SIMC1: variants seen among roughly 807,000 people sequenced by gnomAD.
SIMC1 encodes the protein SUMO-interacting motif-containing protein 1.
SIMC1 carries 55 observed loss-of-function variants against 82.3 expected under a neutral mutation model. That is an observed-to-expected ratio of 0.67 (90% CI 0.54 to 0.84). The LOEUF (loss-of-function observed/expected upper bound fraction) is 0.84. Ranked by LOEUF, SIMC1 falls within the 40% of genes least tolerant of loss-of-function variation. The probability of loss-of-function intolerance (pLI) is 0.00; values close to 1 mark genes in which losing one functional copy is unlikely to be tolerated. For synonymous variants in SIMC1, 353 were observed against 426.3 expected (o/e 0.83, Z 2.12); for missense variants, 915 against 1,107.2 (o/e 0.83, Z 2.46).
intron 4 of SIMC1, chr5:176,308,230 A>G: frequency 6.5e-7 from 1 of 1,535,484 alleles, no homozygotes. Flanking sequence ...CATATACTGG[A>G]ACTGAAATGC....
chr5:176,296,428 C>T, intron 4 of SIMC1, 108 bp downstream of exon 4: 2 of 1,569,272 alleles, frequency 1.3e-6, no homozygotes, highest in East Asian at 2.3e-5. Flanking sequence ...TTTTGGGAGG[C>T]CGAGGCAGGA....
chr5:176,305,813 C>T (rs1239997165), intron 4 of SIMC1, among the ~76,000 whole-genome samples: 2 of 60,736 alleles, frequency 3.3e-5, no homozygotes, highest in Non-Finnish European at 7.0e-5. Flanking sequence ...GTGGGGGCGT[C>T]AGCCCCCCGC....
chr5:176,318,099 C>A (rs1345000455), intron 5 of SIMC1, among the ~76,000 whole-genome samples: 1 of 152,020 alleles, frequency 6.6e-6, no homozygotes, highest in East Asian at 1.9e-4. Flanking sequence ...TGGGAGGGGA[C>A]AAATCAGAGG....
chr5:176,283,921 A>G (rs1763137207), intron 1 of SIMC1, among the ~76,000 whole-genome samples: 1 of 152,204 alleles, frequency 6.6e-6, no homozygotes, highest in African/African-American at 2.4e-5. Context: ...ATAAAAATAG[A>G]CAAAGAAGGC....
intron 1 of SIMC1, among the ~76,000 whole-genome samples, chr5:176,283,008 GA>G (rs1763084927): frequency 6.6e-6 from 1 of 152,226 alleles, no homozygotes; most frequent in South Asian, 2.1e-4. Context: ...AAGCCTCCAA[GA>G]AATATGGGAC....
intron 7 of SIMC1, among the ~76,000 whole-genome samples, chr5:176,328,150 C>T (rs1408415269): frequency 6.6e-6 from 1 of 152,112 alleles, no homozygotes; most frequent in Non-Finnish European, 1.5e-5. Flanking sequence ...GATCTGCCCA[C>T]CTCAGCCTCC....
chr5:176,316,174 CA>C, intron 5 of SIMC1, among the ~76,000 whole-genome samples: 1 of 151,902 alleles, frequency 6.6e-6, no homozygotes, highest in South Asian at 2.1e-4. Flanking sequence ...GACTCTGTCT[CA>C]AAAGCAAATA....
At chr5:176,280,225 C>G (rs1214722199) in intron 1 of SIMC1, among the ~76,000 whole-genome samples, 8 of 152,042 alleles carry the variant, frequency 5.3e-5, no homozygotes, top group South Asian at 4.1e-4. Context: ...TTACCATTAT[C>G]TAATGGCCTT....
At chr5:176,328,526 G>A (rs1765490535) in intron 7 of SIMC1, among the ~76,000 whole-genome samples, 1 of 152,006 alleles carries the variant, frequency 6.6e-6, no homozygotes, top group African/African-American at 2.4e-5. Flanking sequence ...ATTTATGCCT[G>A]GGGTTCAACA....
At chr5:176,335,879 C>CA (rs1387035727) in intron 7 of SIMC1, among the ~76,000 whole-genome samples, 7 of 151,572 alleles carry the variant, frequency 4.6e-5, no homozygotes, top group African/African-American at 7.3e-5. Flanking sequence ...CGCATCTCTA[C>CA]AAAAAAAATA....
intron 1 of SIMC1, chr5:176,270,499 T>G (rs1000642230): frequency 1.3e-5 from 2 of 152,168 alleles, no homozygotes; most frequent in Non-Finnish European, 2.9e-5. Flanking sequence ...AAGAAAGCAC[T>G]TTCAGAAGAA....
intron 6 of SIMC1, among the ~76,000 whole-genome samples, chr5:176,324,266 T>A (rs181759632): frequency 1.4e-3 from 211 of 152,300 alleles, no homozygotes; most frequent in African/African-American, 4.7e-3. Flanking sequence ...TTTAAGTCAC[T>A]CTGGACCTGT....
Position 176,322,418 on chromosome 5 carries a change from A to C in SIMC1, c.2035A>C (p.Asn679His), listed in dbSNP as rs767355055. 5.6e-6 allele frequency: 9 copies of C among 1,608,318 alleles called. No homozygotes were observed. The highest frequency in any genetic ancestry group is 1.7e-5 in the Admixed American group (1 of 59,130). ...SSQPNLTKNT[N>H]QLIVCQLQRM... Reference sequence around the variant, plus strand: ...CCAGCCCAACCTGACAAAGAACACCAATCAGCTGTAAGGGGCAGGCAGTTC... The same window carrying C: ...CCAGCCCAACCTGACAAAGAACACCCATCAGCTGTAAGGGGCAGGCAGTTC... Residue 679 changes from asparagine (N) to histidine (H), a missense_variant, in exon 6 of 10, where the codon AAT becomes CAT. Physicochemically the swap from Asn to His is moderately conservative, Grantham distance 68. Coordinates refer to ENST00000429602, the MANE Select transcript of SIMC1 (RefSeq NM_001308195.2).
At chr5:176,312,006 C>G (rs1764684270) in intron 4 of SIMC1, among the ~76,000 whole-genome samples, 1 of 152,194 alleles carries the variant, frequency 6.6e-6, no homozygotes, top group Non-Finnish European at 1.5e-5. Context: ...TGGAAATACA[C>G]TTCTTTTAGG....
intron 1 of SIMC1, among the ~76,000 whole-genome samples, chr5:176,276,841 C>A (rs1209946238): frequency 1.4e-5 from 2 of 146,478 alleles, no homozygotes; most frequent in Non-Finnish European, 3.0e-5. Context: ...TTAATCCAGT[C>A]TATCATTGTT....
chr5:176,245,823 T>C (rs1761417625), intron 1 of SIMC1, among the ~76,000 whole-genome samples: 1 of 152,098 alleles, frequency 6.6e-6, no homozygotes, highest in South Asian at 2.1e-4. Flanking sequence ...ATAATTATCG[T>C]TATCTGCAAG....
chr5:176,293,621 A>G (rs974958880), intron 2 of SIMC1, among the ~76,000 whole-genome samples: 3 of 151,610 alleles, frequency 2.0e-5, no homozygotes, highest in Admixed American at 1.3e-4. Context: ...GGTGGCACAC[A>G]CCTGTAGTCC....
intron 1 of SIMC1, among the ~76,000 whole-genome samples, chr5:176,258,798 T>C (rs1244038418): frequency 6.6e-6 from 1 of 152,012 alleles, no homozygotes; most frequent in South Asian, 2.1e-4. Context: ...TCAGCTTCCT[T>C]GAAAGCCTGC....
chr5:176,301,552 C>A (rs550254763), intron 4 of SIMC1, among the ~76,000 whole-genome samples: 1 of 152,180 alleles, frequency 6.6e-6, no homozygotes, highest in South Asian at 2.1e-4. Context: ...CCAAGGTGGG[C>A]GGATTGCTTG....
Sources: gnomAD v4.1 joint callset for allele counts (sites outside exome capture counted in the v4.1 genomes callset) on GRCh38, gnomAD v4.1.1 for gene constraint, MANE v1.5 for transcripts, NCBI Gene and HGNC (gene_info 2026-07-23, HGNC 2026-07-21) for gene names.